The following HIKESHI variants were observed in gnomAD, a reference collection of about 807,000 sequenced individuals.
HIKESHI encodes the protein protein Hikeshi.
Under a neutral mutation model 25.7 loss-of-function variants are expected in HIKESHI, and 13 were observed. That is an observed-to-expected ratio of 0.51 (90% confidence interval 0.33 to 0.80). HIKESHI has a LOEUF of 0.80. Among genes scored for constraint, HIKESHI ranks in the 30% least tolerant of loss-of-function variants. HIKESHI has a pLI of 0.02. For synonymous variants in HIKESHI, 76 were observed against 78.7 expected (o/e 0.97, Z 0.18); for missense variants, 174 against 229.5 (o/e 0.76, Z 1.56).
chr11:86,341,232 T>G (rs1947718417), intron 3 of HIKESHI, among the ~76,000 whole-genome samples: 1 of 152,252 alleles, frequency 6.6e-6, no homozygotes, highest in Admixed American at 6.5e-5. Flanking sequence ...AGTATACATT[T>G]TTGTTAAATC....
chr11:86,331,314 C>A (rs1947418341), intron 2 of HIKESHI, among the ~76,000 whole-genome samples: 1 of 152,042 alleles, frequency 6.6e-6, no homozygotes, highest in East Asian at 1.9e-4. Context: ...CATTGTGAAA[C>A]CCCATGTCTA....
chr11:86,339,590 A>G (rs1201913376), intron 3 of HIKESHI, among the ~76,000 whole-genome samples: 1 of 152,102 alleles, frequency 6.6e-6, no homozygotes, highest in Non-Finnish European at 1.5e-5. Context: ...AACTTTTTAT[A>G]TCTTTCCTAT....
chr11:86,325,293 T>A (rs764790531), intron 2 of HIKESHI, among the ~76,000 whole-genome samples: 1 of 152,054 alleles, frequency 6.6e-6, no homozygotes, highest in African/African-American at 2.4e-5. Context: ...GTTGGAGAGG[T>A]CAAGAGAGCT....
intron 3 of HIKESHI, among the ~76,000 whole-genome samples, chr11:86,338,868 A>G (rs548326287): frequency 1.9e-4 from 29 of 152,358 alleles, no homozygotes; most frequent in African/African-American, 6.7e-4. Flanking sequence ...TTATCCCTGG[A>G]GAAGGGTAAG....
At position 86,312,833 on chromosome 11, in the gene HIKESHI, A is replaced by C. The variant is rs1020861469; in HGVS notation, c.268+6351A>C. On this transcript the variant is annotated intron_variant, in intron 2 of 4. Transcript: ENST00000278483. ...CACTTATGAAGCTTAGTTTGGCTGGATATGAAATTCTGGGTTGAAAATTCT... is the reference window on the plus strand; with the variant it reads ...CACTTATGAAGCTTAGTTTGGCTGGCTATGAAATTCTGGGTTGAAAATTCT... Among the ~76,000 whole-genome samples the C allele has an allele frequency of 7.9e-5, 12 of 152,280 alleles. No individual in the cohort carries two copies. The Middle Eastern group carries it at 0.01, about 129-fold the overall frequency.
intron 3 of HIKESHI, among the ~76,000 whole-genome samples, chr11:86,340,488 T>C (rs1947695720): frequency 6.6e-6 from 1 of 152,254 alleles, no homozygotes; most frequent in South Asian, 2.1e-4. Context: ...TGATTTGCAT[T>C]TCTCTGATGA....
chr11:86,333,978 G>A (rs1485068697), intron 2 of HIKESHI, among the ~76,000 whole-genome samples: 4 of 152,158 alleles, frequency 2.6e-5, no homozygotes, highest in African/African-American at 4.8e-5. Flanking sequence ...ACAACCATAA[G>A]CTATAACTTT....
At chr11:86,323,080 T>C (rs1431412351) in intron 2 of HIKESHI, among the ~76,000 whole-genome samples, 4 of 151,940 alleles carry the variant, frequency 2.6e-5, no homozygotes, top group African/African-American at 9.7e-5. Flanking sequence ...ATTCAAAAAT[T>C]AGCTGATTGT....
At chr11:86,302,517 A>G in intron 1 of HIKESHI, 39 bp downstream of exon 1, 1 of 1,548,400 alleles carries the variant, frequency 6.5e-7, no homozygotes, top group Non-Finnish European at 8.7e-7. Flanking sequence ...AGGGGTCAGG[A>G]TACCGAGGGC....
Position 86,306,320 on chromosome 11 carries a change from G to A in HIKESHI, c.106G>A (p.Val36Ile), listed in dbSNP as rs752454830. Residue 36 changes from valine (V) to isoleucine (I), a missense_variant, in exon 2 of 5, where the codon GTT becomes ATT. By Grantham distance (29) the Val-to-Ile change is conservative. Transcript: ENST00000278483. ...DLPDYESINH[V>I]VVFMLGTIPF... is the part of the protein sequence containing the mutation. Reference sequence around the variant, plus strand: ...ACCTGATTATGAAAGTATCAACCATGTTGTGGTTTTTATGCTGGGAACAAT... The same window carrying A: ...ACCTGATTATGAAAGTATCAACCATATTGTGGTTTTTATGCTGGGAACAAT... 1.9e-6 allele frequency: 3 copies of A among 1,614,090 alleles called. No individual in the cohort carries two copies. The highest frequency in any genetic ancestry group is 2.5e-6 in the Non-Finnish European group (3 of 1,179,980).
At chr11:86,339,881 G>A (rs2138419664) in intron 3 of HIKESHI, among the ~76,000 whole-genome samples, 1 of 152,110 alleles carries the variant, frequency 6.6e-6, no homozygotes, top group South Asian at 2.1e-4. Flanking sequence ...TTCTCCTAAT[G>A]CTATCCTTCC....
In HIKESHI at chr11:86,307,955, AT is replaced by A. The variant is rs1565719967; in HGVS notation, c.268+1474del. ...ATAAAATATATATTATGTGTAATATATATTATATAAAATATATATGTGTAAT... is the reference window on the plus strand; with the variant it reads ...ATAAAATATATATTATGTGTAATATAATTATATAAAATATATATGTGTAAT... On this transcript the variant is annotated intron_variant, in intron 2 of 4. Transcript: ENST00000278483. 7.6e-3 allele frequency among the ~76,000 whole-genome samples: 429 copies of A among 56,404 alleles called. 6 individuals carry two copies. The highest frequency in any genetic ancestry group is 0.012 in the South Asian group (19 of 1,574). 37.0% of individuals were successfully genotyped at this position (56,404 alleles called of 152,430 possible).
Position 86,335,803 on chromosome 11 carries a change from C to G in HIKESHI, c.269-1576C>G, listed in dbSNP as rs560722430. Among the ~76,000 whole-genome samples the G allele has an allele frequency of 6.4e-4, 97 of 152,238 alleles. 1 individual carries two copies. Among genetic ancestry groups the G allele is most frequent in the African/African-American group, 2.3e-3 (94 of 41,540 alleles). On this transcript the variant is annotated intron_variant, in intron 2 of 4. Transcript: ENST00000278483. ...ACTACAATAAACAGCAACAACAAAC[C>G]CCTAGAAGGTGGAAACATCTGATTT...
At chr11:86,343,478 A>T (rs564877914) in intron 3 of HIKESHI, 2 of 152,122 alleles carry the variant, frequency 1.3e-5, no homozygotes, top group South Asian at 4.2e-4. Context: ...TTATAAAAAG[A>T]TAAAAAATTA....
chr11:86,343,277 T>C (rs554825706), intron 3 of HIKESHI, among the ~76,000 whole-genome samples: 1 of 151,472 alleles, frequency 6.6e-6, no homozygotes, highest in South Asian at 2.1e-4. Context: ...CACTTAAAAA[T>C]TATTGTCACT....
At chr11:86,323,884 A>G (rs1947208448) in intron 2 of HIKESHI, 1 of 152,238 alleles carries the variant, frequency 6.6e-6, no homozygotes, top group African/African-American at 2.4e-5. Flanking sequence ...TAAACAGTCT[A>G]AAACTCAATC....
At position 86,306,496 on chromosome 11, in the gene HIKESHI, A is replaced by T. The variant is rs199939620; in HGVS notation, c.268+14A>T. The T allele has an allele frequency of 3.0e-5, 43 of 1,456,196 alleles. No individual in the cohort carries two copies. The highest frequency in any genetic ancestry group is 8.5e-6 in the Non-Finnish European group (9 of 1,055,462). 90.2% of individuals were successfully genotyped at this position (1,456,196 alleles called of 1,614,324 possible). On this transcript the variant is annotated intron_variant, in intron 2 of 4. Coordinates refer to ENST00000278483, the MANE Select transcript of HIKESHI (RefSeq NM_016401.4). ...GTCTTAAATCTGGTAAGAATAATAT[A>T]TTAAAGTAGTTTTATAATTAATCAA...
intron 2 of HIKESHI, among the ~76,000 whole-genome samples, chr11:86,312,584 AATTTGATCC>A (rs1946862672): frequency 6.6e-6 from 1 of 152,132 alleles, no homozygotes; most frequent in Admixed American, 6.6e-5. Context: ...GCTGTGTGTG[AATTTGATCC>A]TGTCATTATG....
At chr11:86,313,802 A>C (rs1946898339) in intron 2 of HIKESHI, among the ~76,000 whole-genome samples, 1 of 152,206 alleles carries the variant, frequency 6.6e-6, no homozygotes, top group African/African-American at 2.4e-5. Context: ...GGGTTGGGGA[A>C]GCTTTCCTGG....
Sources: gnomAD v4.1 joint callset for allele counts (sites outside exome capture counted in the v4.1 genomes callset) on GRCh38, gnomAD v4.1.1 for gene constraint, MANE v1.5 for transcripts, NCBI Gene and HGNC (gene_info 2026-07-23, HGNC 2026-07-21) for gene names.